Variants in LRRD1 observed in about 807,000 individuals in gnomAD.
LRRD1 encodes the protein leucine-rich repeat and death domain-containing protein 1.
A neutral mutation model predicts 69.5 loss-of-function variants in LRRD1; 49 were observed. The ratio of observed to expected loss-of-function variants is 0.70; its 90% CI spans 0.56 to 0.89. The LOEUF is 0.89. Ranked by LOEUF, LRRD1 falls within the 40% of genes least tolerant of loss-of-function variation. The pLI is 0.00. For missense variants in LRRD1, 853 were observed against 956.0 expected (o/e 0.89, Z 1.42); for synonymous variants, 303 against 338.9 (o/e 0.89, Z 1.16).
intron 4 of LRRD1, among the ~76,000 whole-genome samples, chr7:92,147,756 G>T (rs1262422170): frequency 3.3e-5 from 5 of 151,796 alleles, no homozygotes; most frequent in African/African-American, 1.2e-4. Flanking sequence ...CTTTTAGACA[G>T]GGTCTCACTC....
chr7:92,143,671 ACCG>A (rs1820234543), downstream of LRRD1, among the ~76,000 whole-genome samples: 1 of 152,140 alleles, frequency 6.6e-6, no homozygotes, highest in Non-Finnish European at 1.5e-5. Flanking sequence ...GCCCGCAAGC[ACCG>A]CGTGCAGCCC....
intron 1 of LRRD1, among the ~76,000 whole-genome samples, chr7:92,178,230 T>C (rs1789238324): frequency 1.3e-5 from 2 of 152,012 alleles, no homozygotes; most frequent in Middle Eastern, 3.4e-3. Context: ...GGAGAATCGC[T>C]TGAACCCGGG....
downstream of LRRD1, chr7:92,142,204 A>C (rs1820169085): frequency 7.4e-6 from 2 of 269,112 alleles, no homozygotes; most frequent in East Asian, 1.0e-4. Context: ...AGCCTCCCAA[A>C]GTGCTGGGAT....
chr7:92,145,525 C>T (rs1276926095), intron 5 of LRRD1, among the ~76,000 whole-genome samples: 8 of 151,364 alleles, frequency 5.3e-5, no homozygotes, highest in African/African-American at 1.2e-4. Flanking sequence ...CTGCAAGCTC[C>T]GCCTCCCGGG....
intron 1 of LRRD1, among the ~76,000 whole-genome samples, chr7:92,165,730 G>A (rs554022298): frequency 1.1e-4 from 17 of 152,002 alleles, no homozygotes; most frequent in South Asian, 1.0e-3. Context: ...ATGTGGTAGC[G>A]GGCGCCTGTA....
intron 3 of LRRD1, among the ~76,000 whole-genome samples, chr7:92,158,094 A>T (rs1788706515): frequency 6.6e-6 from 1 of 151,958 alleles, no homozygotes; most frequent in African/African-American, 2.4e-5. Flanking sequence ...ACCTCCTGTT[A>T]CCCCCTTGTG....
intron 4 of LRRD1, among the ~76,000 whole-genome samples, chr7:92,149,162 G>C (rs929070130): frequency 1.3e-5 from 2 of 152,162 alleles, no homozygotes; most frequent in Non-Finnish European, 2.9e-5. Context: ...TAAAGCCCAA[G>C]TCTTGCAAAA....
chr7:92,142,560 G>C, downstream of LRRD1: 1 of 456,072 alleles, frequency 2.2e-6, no homozygotes, highest in South Asian at 1.6e-5. Context: ...GGAATTGGTG[G>C]GTTCTTCGTC....
chr7:92,164,709 T>A lies in LRRD1; in HGVS notation c.494A>T (p.Tyr165Phe), dbSNP rs185483517. 12,513 of 1,550,410 alleles carry A rather than the reference T, an allele frequency of 8.1e-3. 79 individuals carry two copies. The highest frequency in any genetic ancestry group is 8.1e-3 in the Non-Finnish European group (9,313 of 1,146,236). ...CTTGTCTAAATATAGATATTTTACA[T>A]ATTTGATTTTTAAAATGTCCTTAGG... ...EFPKDILKIKYVKYLYLDKNQ... is the reference protein window; with the variant it reads ...EFPKDILKIKFVKYLYLDKNQ... Residue 165 changes from tyrosine (Y) to phenylalanine (F), a missense_variant, in exon 2 of 6, where the codon TAT becomes TTT. Coordinates refer to ENST00000458448, the MANE Select transcript of LRRD1 (RefSeq NM_001161528.2).
intron 4 of LRRD1, among the ~76,000 whole-genome samples, chr7:92,148,779 G>T (rs1053290150): frequency 6.6e-6 from 1 of 152,144 alleles, no homozygotes; most frequent in Non-Finnish European, 1.5e-5. Flanking sequence ...ACGGAGTCTC[G>T]CACTGTCACC....
At chr7:92,152,049 T>C (rs2130988966) in intron 3 of LRRD1, among the ~76,000 whole-genome samples, 1 of 149,870 alleles carries the variant, frequency 6.7e-6, no homozygotes, top group South Asian at 2.1e-4. Flanking sequence ...ATTTTATAGT[T>C]ATATTATTTA....
chr7:92,167,858 C>G (rs1324123925), intron 1 of LRRD1, among the ~76,000 whole-genome samples: 1 of 99,078 alleles, frequency 1.0e-5, no homozygotes, highest in Non-Finnish European at 1.8e-5. Flanking sequence ...GCCTGGGCAA[C>G]ACAGCGAGAC....
chr7:92,160,693 A>C (rs1788777784), intron 2 of LRRD1, among the ~76,000 whole-genome samples: 1 of 152,134 alleles, frequency 6.6e-6, no homozygotes, highest in Admixed American at 6.6e-5. Context: ...AGTGCCTGTA[A>C]TCCCAGCTAC....
At position 92,179,139 on chromosome 7, in the gene LRRD1, T is replaced by G. The variant is rs1789267179; in HGVS notation, c.-207A>C. ...GCCTCTCCGGGCCGTGGCTCCTCTT[T>G]CCCAGGCCGAAAGCGGCCGGGCCCT... On this transcript the variant is annotated 5_prime_UTR_variant, in exon 1 of 6. Transcript: ENST00000458448. 6.6e-6 allele frequency: 1 copy of G among 152,388 alleles called. No individual in the cohort carries two copies. The allele number at this position is 152,388 out of a possible 1,614,324, so 9.4% of individuals were successfully genotyped here. A position where few individuals can be genotyped will look rare whatever the true frequency, so the allele number is the denominator to read the frequency against.
intron 1 of LRRD1, among the ~76,000 whole-genome samples, chr7:92,171,922 TATC>T (rs1405313472): frequency 6.6e-6 from 1 of 152,220 alleles, no homozygotes; most frequent in South Asian, 2.1e-4. Context: ...ACAAAAGTTA[TATC>T]ATCATTTCTA....
chr7:92,142,651 T>G (rs1820188306), downstream of LRRD1: 1 of 412,562 alleles, frequency 2.4e-6, no homozygotes, highest in African/African-American at 2.1e-5. Flanking sequence ...TTGTTCCTTC[T>G]GATGTTCGGA....
chr7:92,163,838 A>T lies in LRRD1; in HGVS notation c.1365T>A (p.Asp455Glu). The T allele has an allele frequency of 6.7e-7, 1 of 1,503,334 alleles. No homozygotes were observed. The highest frequency in any genetic ancestry group is 1.3e-5 in the South Asian group (1 of 75,048). 93.1% of individuals were successfully genotyped at this position (1,503,334 alleles called of 1,614,324 possible). A position where few individuals can be genotyped will look rare whatever the true frequency, so the allele number is the denominator to read the frequency against. Residue 455 changes from aspartate to glutamate, a missense_variant, in exon 2 of 6, where the codon GAT (aspartate) becomes GAA (glutamate). By Grantham distance (45) the Asp-to-Glu change is conservative (BLOSUM62 2). Transcript: ENST00000458448. ...SLEFSGNIIT[D>E]VPIEIKNCQK... ...GGCAGTTTTTTATTTCAATGGGAACATCTGTGATTATGTTTCCTGAAAATT... is the reference window on the plus strand; with the variant it reads ...GGCAGTTTTTTATTTCAATGGGAACTTCTGTGATTATGTTTCCTGAAAATT...
chr7:92,162,994 A>G (rs1329719181), intron 2 of LRRD1, among the ~76,000 whole-genome samples: 1 of 152,194 alleles, frequency 6.6e-6, no homozygotes, highest in Non-Finnish European at 1.5e-5. Context: ...TGACATTCAT[A>G]ACTTTAAAAC....
At chr7:92,143,114 C>A (rs549594432), downstream of LRRD1, among the ~76,000 whole-genome samples, 150 of 152,238 alleles carry the variant, frequency 9.9e-4, no homozygotes, top group African/African-American at 3.6e-3. Flanking sequence ...TCCACGTCCC[C>A]ACTAGATTAG....
Sources: allele counts gnomAD v4.1 joint callset (sites outside exome capture counted in the v4.1 genomes callset), GRCh38; gene constraint gnomAD v4.1.1; transcripts MANE v1.5; gene names NCBI Gene and HGNC (gene_info 2026-07-23, HGNC 2026-07-21).